The following PRAMEF2 variants were observed in gnomAD, a reference collection of about 807,000 sequenced individuals.
The protein encoded by PRAMEF2 is PRAME family member 2.
Under a neutral mutation model 38.0 loss-of-function variants are expected in PRAMEF2, and 35 were observed. That is an observed-to-expected ratio of 0.92 (90% CI 0.70 to 1.22). The LOEUF (loss-of-function observed/expected upper bound fraction) is 1.22. Among genes scored for constraint, PRAMEF2 ranks in the 50% most tolerant of loss-of-function variants. The pLI, the probability that PRAMEF2 is intolerant of heterozygous loss-of-function variation, is 0.00. For missense variants in PRAMEF2, 562 were observed against 553.9 expected, an observed-to-expected ratio of 1.01 and a Z score of -0.15; for synonymous variants, 240 against 232.4, an observed-to-expected ratio of 1.03 and a Z score of -0.30.
At chr1:12,858,075 TTTTG>T (rs1318327559) in intron 1 of PRAMEF2, among the ~76,000 whole-genome samples, 3 of 149,246 alleles carry the variant, frequency 2.0e-5, no homozygotes, top group Non-Finnish European at 4.5e-5. Flanking sequence ...CAGTGAATTA[TTTTG>T]TTTTTTTCTG....
rs3204808 is a variant in PRAMEF2 at position 12,860,159 on chromosome 1, G to A, written c.754G>A (p.Glu252Lys). ...TCATTACACGTCAGATAATGAACTC[G>A]AGGGATGGTTAGTCACCAGATTCAC... ...CHHYTSDNELEGWLVTRFTSV... is the reference protein window; with the variant it reads ...CHHYTSDNELKGWLVTRFTSV... Residue 252 changes from glutamate to lysine, a missense_variant, in exon 3 of 4, where the codon GAG becomes AAG. Physicochemically the swap from Glu to Lys is moderately conservative, Grantham distance 56 (BLOSUM62 1). Transcript: ENST00000240189. 6 of 1,606,718 alleles carry A rather than the reference G, an allele frequency of 3.7e-6. No homozygotes were observed. Among genetic ancestry groups the A allele is most frequent in the South Asian group, 3.3e-5 (3 of 90,508 alleles).
In PRAMEF2 at chr1:12,860,075, C is replaced by G. The variant is rs767475574; in HGVS notation, c.670C>G (p.Leu224Val). ...GTGCTGGCCACATCTGATAAGAAAGCTTTATTGTTACCTGAAGGAGATGAA... is the reference window on the plus strand; with the variant it reads ...GTGCTGGCCACATCTGATAAGAAAGGTTTATTGTTACCTGAAGGAGATGAA... ...NTCWPHLIRKLYCYLKEMKTL... is the reference protein window; with the variant it reads ...NTCWPHLIRKVYCYLKEMKTL... Residue 224 changes from leucine (L) to valine (V), a missense_variant, in exon 3 of 4, where the codon CTT becomes GTT. Leu to Val is a conservative substitution (Grantham distance 32, BLOSUM62 1). Transcript: ENST00000240189. 23 of 1,606,520 alleles carry G rather than the reference C, an allele frequency of 1.4e-5. 1 individual carries two copies. The highest frequency in any genetic ancestry group is 1.6e-4 in the Middle Eastern group (1 of 6,068).
intron 2 of PRAMEF2, 55 bp from the exon 3 acceptor site, chr1:12,859,638 A>G: frequency 1.2e-6 from 2 of 1,601,238 alleles, no homozygotes; most frequent in Non-Finnish European, 1.7e-6. Context: ...AATGAAAGCA[A>G]AGGTCAGGGA....
At chr1:12,860,438 G>A (rs1161632943) in intron 3 of PRAMEF2, among the ~76,000 whole-genome samples, 167 bp downstream of exon 3, 1 of 150,140 alleles carries the variant, frequency 6.7e-6, no homozygotes, top group Non-Finnish European at 1.5e-5. Context: ...TCCTGGAGTG[G>A]CTATCACAGG....
chr1:12,859,207 G>A lies in PRAMEF2; in HGVS notation c.198G>A (p.Leu66=). 1 of 1,609,874 alleles carries A rather than the reference G, an allele frequency of 6.2e-7. No homozygotes were observed. The highest frequency in any genetic ancestry group is 1.1e-5 in the South Asian group (1 of 90,940). The change falls in exon 2 of 4, where the codon CTG becomes CTA. Residue 66 remains leucine, a synonymous_variant. Transcript: ENST00000240189. ...VQAWPFTCLP[L]VSLMKTLHLE... is the part of the protein sequence containing the mutation. The stretch of plus-strand genomic sequence containing the variant: ...CCTGGCCTTTCACCTGCCTCCCTCT[G>A]GTATCGCTGATGAAGACGCTTCATC...
intron 1 of PRAMEF2, among the ~76,000 whole-genome samples, chr1:12,857,901 G>A (rs1398690023): frequency 1.4e-5 from 2 of 147,262 alleles, no homozygotes; most frequent in East Asian, 2.0e-4. Flanking sequence ...GTTTTGCCAT[G>A]TTGGCCATGC....
chr1:12,860,552 G>T (rs1227075499), intron 3 of PRAMEF2, among the ~76,000 whole-genome samples: 1 of 149,872 alleles, frequency 6.7e-6, no homozygotes, highest in Non-Finnish European at 1.5e-5. Flanking sequence ...GGGTGCACGT[G>T]TGAATTTCCT....
chr1:12,859,408 G>T, intron 2 of PRAMEF2, 112 bp downstream of exon 2: 1 of 1,556,316 alleles, frequency 6.4e-7, no homozygotes, highest in Non-Finnish European at 8.7e-7. Flanking sequence ...GATGGTGTTG[G>T]CGAGGAAGCT....
chr1:12,860,676 C>T lies in PRAMEF2; in HGVS notation c.866+405C>T, dbSNP rs1238781613. Among the ~76,000 whole-genome samples the T allele has an allele frequency of 6.6e-5, 10 of 150,416 alleles. 1 individual carries two copies. Among genetic ancestry groups the T allele is most frequent in the Admixed American group, 2.0e-4 (3 of 14,690 alleles). ...TTCACAATAGAACGTCTGTCCTCAC[C>T]GGCTTAGTGATCACGAATGATCCTG... On this transcript the variant is annotated intron_variant, in intron 3 of 3. Transcript: ENST00000240189.
At position 12,859,784 on chromosome 1, in the gene PRAMEF2, G is replaced by A; in HGVS notation, c.379G>A (p.Glu127Lys). The part of the protein sequence containing the change: ...PGAWALSCFP[E>K]AMSKRQTAED... ...AGCCTGGGCCCTGTCCTGCTTCCCAGAGGCCATGAGTAAGAGGCAGACAGC... is the reference window on the plus strand; with the variant it reads ...AGCCTGGGCCCTGTCCTGCTTCCCAAAGGCCATGAGTAAGAGGCAGACAGC... Residue 127 changes from glutamate (E) to lysine (K), a missense_variant, in exon 3 of 4, where the codon GAG becomes AAG. Glu to Lys is a moderately conservative substitution (Grantham distance 56). Transcript: ENST00000240189. 1 of 1,606,992 alleles carries A rather than the reference G, an allele frequency of 6.2e-7. No individual in the cohort carries two copies. The highest frequency in any genetic ancestry group is 8.5e-7 in the Non-Finnish European group (1 of 1,177,600).
chr1:12,857,701 G>A (rs1640470802), intron 1 of PRAMEF2, among the ~76,000 whole-genome samples: 1 of 141,714 alleles, frequency 7.1e-6, no homozygotes, highest in Admixed American at 7.2e-5. Flanking sequence ...TACAGTTTCT[G>A]GTTGATTTTT....
chr1:12,861,350 G>T lies in PRAMEF2; in HGVS notation c.996G>T (p.Leu332=). 1.9e-6 allele frequency: 3 copies of T among 1,606,840 alleles called. No homozygotes were observed. Among genetic ancestry groups the T allele is most frequent in the Non-Finnish European group, 2.5e-6 (3 of 1,176,608 alleles). The change falls in exon 4 of 4, where the codon CTG becomes CTT. Residue 332 remains leucine, a synonymous_variant. Coordinates refer to ENST00000240189, the MANE Select transcript of PRAMEF2 (RefSeq NM_023014.1). ...LKHLNLSYVL[L]FRISLEPLGA... is the part of the protein sequence containing the mutation. ...ATCTGAATCTCAGCTACGTGCTGCT[G>T]TTCCGCATCAGTCTTGAACCCCTAG...
Position 12,859,027 on chromosome 1 carries a change from A to C in PRAMEF2, c.18A>C (p.Pro6=), listed in dbSNP as rs149417814. 11 of 1,603,548 alleles carry C rather than the reference A, an allele frequency of 6.9e-6. No individual in the cohort carries two copies. Among genetic ancestry groups the C allele is most frequent in the Non-Finnish European group, 9.4e-6 (11 of 1,176,276 alleles). MSIQA[P]PRLLELAGQS... ...CCATCAGGATGAGCATCCAGGCCCC[A>C]CCGAGACTACTGGAGCTGGCGGGGC... The change falls in exon 2 of 4, where the codon CCA becomes CCC. Residue 6 remains proline (P), a synonymous_variant. Coordinates refer to ENST00000240189, the MANE Select transcript of PRAMEF2 (RefSeq NM_023014.1).
chr1:12,857,702 G>T (rs1360780277), intron 1 of PRAMEF2, among the ~76,000 whole-genome samples: 1 of 141,496 alleles, frequency 7.1e-6, no homozygotes, highest in Non-Finnish European at 1.5e-5. Flanking sequence ...ACAGTTTCTG[G>T]TTGATTTTTT....
rs1216398161 is a variant in PRAMEF2, at chr1:12,860,972, AC to A, written c.867-248del. ...GAAGTTTTCTGCTAAAAGATGAAAA[AC>A]AAAAAGGCTTTAGAGATTTTATGGC... is the stretch of plus-strand genomic sequence containing the variant. On this transcript the variant is annotated intron_variant, in intron 3 of 3. Coordinates refer to ENST00000240189, the MANE Select transcript of PRAMEF2 (RefSeq NM_023014.1). Among the ~76,000 whole-genome samples, 16 of 134,038 alleles carry A rather than the reference AC, an allele frequency of 1.2e-4. 1 individual carries two copies. The highest frequency in any genetic ancestry group is 3.4e-4 in the East Asian group (1 of 2,948). 87.9% of individuals were successfully genotyped at this position (134,038 alleles called of 152,430 possible). A position where few individuals can be genotyped will look rare whatever the true frequency, so the allele number is the denominator to read the frequency against.
intron 1 of PRAMEF2, among the ~76,000 whole-genome samples, chr1:12,857,695 G>T (rs1477676013): frequency 7.0e-6 from 1 of 141,920 alleles, no homozygotes; most frequent in Non-Finnish European, 1.5e-5. Flanking sequence ...CACTTTTACA[G>T]TTTCTGGTTG....
chr1:12,859,977 C>T lies in PRAMEF2; in HGVS notation c.572C>T (p.Pro191Leu). The T allele has an allele frequency of 6.2e-7, 1 of 1,607,750 alleles. No homozygotes were observed. The change falls in exon 3 of 4, where the codon CCA (proline) becomes CTA (leucine). Residue 191 changes from proline (P) to leucine (L), a missense_variant. By Grantham distance (98) the Pro-to-Leu change is moderately conservative. Around this residue, in one of 2 missense-constraint regions of PRAMEF2, gnomAD observed 486 missense variants for 444.2 expected, o/e 1.09. Transcript: ENST00000240189. ...AGTAAGCTGGTCAATTATCTAACGC[C>T]AATTAAATATCTCAGAAAGTCATTG... ...CCSKLVNYLT[P>L]IKYLRKSLKI...
chr1:12,859,814 G>T lies in PRAMEF2; in HGVS notation c.409G>T (p.Asp137Tyr), dbSNP rs1254753860. 9.3e-6 allele frequency: 15 copies of T among 1,607,474 alleles called. 2 individuals carry two copies. In the Admixed American group the frequency reaches 2.6e-4, roughly 28 times the overall value. ...CATGAGTAAGAGGCAGACAGCAGAG[G>T]ACTGTCCAAGGACGGGAGAGCACCA... ...EAMSKRQTAE[D>Y]CPRTGEHQPL... The change falls in exon 3 of 4, where the codon GAC becomes TAC. Residue 137 changes from aspartate to tyrosine, a missense_variant. By Grantham distance (160) the Asp-to-Tyr change is radical (BLOSUM62 -3). Coordinates refer to ENST00000240189, the MANE Select transcript of PRAMEF2 (RefSeq NM_023014.1).
rs1176464603 is a variant in PRAMEF2 at position 12,859,943 on chromosome 1, C to T, written c.538C>T (p.Leu180=). Residue 180 remains leucine, a synonymous_variant, in exon 3 of 4, where the codon CTG becomes TTG. Coordinates refer to ENST00000240189, the MANE Select transcript of PRAMEF2 (RefSeq NM_023014.1). ...TTACCAAAGGAGAGGTTTAGTACAC[C>T]TGTGCTGTAGTAAGCTGGTCAATTA... is the stretch of plus-strand genomic sequence containing the variant. ...WVYQRRGLVH[L]CCSKLVNYLT... 1 of 1,608,448 alleles carries T rather than the reference C, an allele frequency of 6.2e-7. No homozygotes were observed.
Sources: gnomAD v4.1 joint callset for allele counts (sites outside exome capture counted in the v4.1 genomes callset) on GRCh38, gnomAD v4.1.1 for gene constraint, gnomAD v4.1.1 regional missense constraint, MANE v1.5 for transcripts, NCBI Gene and HGNC (gene_info 2026-07-23, HGNC 2026-07-21) for gene names.